Variants in LAMA5 observed in about 807,000 individuals in gnomAD.
The protein encoded by LAMA5 is laminin subunit alpha-5.
LAMA5 carries 260 observed loss-of-function variants against 433.4 expected under a neutral mutation model. The observed-to-expected ratio is 0.60, with a 90% CI of 0.54 to 0.66. LAMA5 has a LOEUF of 0.66. LAMA5 is among the 30% of genes least tolerant of loss of function. LAMA5 has a pLI of 0.00. For missense variants in LAMA5, 5,378 were observed against 5,258.5 expected (o/e 1.02, Z -0.70); for synonymous variants, 2,620 against 2,226.6 (o/e 1.18, Z -4.97).
At position 62,338,050 on chromosome 20, in the gene LAMA5, G is replaced by A. The variant is rs750176191; in HGVS notation, c.1857C>T (p.Cys619=). 2.1e-5 allele frequency: 34 copies of A among 1,603,670 alleles called. No individual in the cohort carries two copies. The highest frequency in any genetic ancestry group is 2.3e-5 in the Non-Finnish European group (27 of 1,174,294). Residue 619 remains cysteine (C), a synonymous_variant, in exon 14 of 80, where the codon TGC becomes TGT. Coordinates refer to ENST00000252999, the MANE Select transcript of LAMA5 (RefSeq NM_005560.6). ...TGGGGAAACCATGGTAGCCAGGGCG[G>A]CACCGGTCACAATGAGGTCCAGCAA... ...PEFAGPHCDR[C]RPGYHGFPNC...
chr20:62,313,501 G>C, intron 63 of LAMA5, 41 bp from the exon 64 acceptor site: 1 of 1,566,562 alleles, frequency 6.4e-7, no homozygotes. Flanking sequence ...GGCCTGAGGC[G>C]CCTCCCCTCC....
chr20:62,317,415 T>G lies in LAMA5; in HGVS notation c.7441A>C (p.Lys2481Gln), dbSNP rs766504913. The G allele has an allele frequency of 6.2e-7, 1 of 1,607,910 alleles. No homozygotes were observed. The highest frequency in any genetic ancestry group is 8.5e-7 in the Non-Finnish European group (1 of 1,177,578). ...RMQTFSPAGSKLRLVEAAEAH... is the reference protein window; with the variant it reads ...RMQTFSPAGSQLRLVEAAEAH... ...TCGGCGGCCTCCACTAGACGCAGCT[T>G]GCTGCCCGCCGGGGAGAAGGTCTGC... The change falls in exon 55 of 80, where the codon AAG becomes CAG. Residue 2481 changes from lysine (K) to glutamine (Q), a missense_variant. Coordinates refer to ENST00000252999, the MANE Select transcript of LAMA5 (RefSeq NM_005560.6).
chr20:62,345,474 A>G, intron 11 of LAMA5: 2 of 425,084 alleles, frequency 4.7e-6, no homozygotes, highest in Non-Finnish European at 8.9e-6. Context: ...TGGTGTGATC[A>G]TGGCTCACTG....
Position 62,309,188 on chromosome 20 carries a change from G to A in LAMA5, c.*148C>T, listed in dbSNP as rs528363275. The A allele has an allele frequency of 1.9e-5, 15 of 800,458 alleles. No homozygotes were observed. The highest frequency in any genetic ancestry group is 8.7e-5 in the East Asian group (3 of 34,602). The allele number at this position is 800,458 out of a possible 1,614,324, so 49.6% of individuals were successfully genotyped here. A position where few individuals can be genotyped will look rare whatever the true frequency, so the allele number is the denominator to read the frequency against. ...ACATTTTGCAGTATTTTATTCTTTC[G>A]TTTAAGAAGCTATAACTTAAACCAT... On this transcript the variant is annotated 3_prime_UTR_variant, in exon 80 of 80. Transcript: ENST00000252999.
Position 62,318,904 on chromosome 20 carries a change from C to A in LAMA5, c.6981G>T (p.Arg2327=), listed in dbSNP as rs1266185026. 1 of 1,605,508 alleles carries A rather than the reference C, an allele frequency of 6.2e-7. No homozygotes were observed. Among genetic ancestry groups the A allele is most frequent in the Admixed American group, 1.7e-5 (1 of 59,402 alleles). ...CCTGCGGGGCCCCCAGGTCCCGGGC[C>A]CGCATCTCCCAGAGCAGCCGCTCCA... ...AEVERLLWEM[R]ARDLGAPQAA... is the part of the protein sequence containing the mutation. Residue 2327 remains arginine (R), a synonymous_variant, in exon 52 of 80, where the codon CGG becomes CGT. Coordinates refer to ENST00000252999, the MANE Select transcript of LAMA5 (RefSeq NM_005560.6).
At chr20:62,365,766 C>A (rs1330930754) in intron 1 of LAMA5, among the ~76,000 whole-genome samples, 1 of 152,208 alleles carries the variant, frequency 6.6e-6, no homozygotes, top group Non-Finnish European at 1.5e-5. Flanking sequence ...CAGCAGCTTT[C>A]CAGGGCTCAG....
At position 62,311,043 on chromosome 20, in the gene LAMA5, G is replaced by C. The variant is rs1037981720; in HGVS notation, c.10140C>G (p.Leu3380=). Residue 3380 remains leucine, a synonymous_variant, in exon 74 of 80, where the codon CTC becomes CTG. Coordinates refer to ENST00000252999, the MANE Select transcript of LAMA5 (RefSeq NM_005560.6). Reference sequence around the variant, plus strand: ...TGCCGGGCCTCAGACGGGCAGTGAAGAGGAGGAGGCCTCGGGAGCTTCGCG... The same window carrying C: ...TGCCGGGCCTCAGACGGGCAGTGAACAGGAGGAGGCCTCGGGAGCTTCGCG... ...VLPRSSRGLL[L]FTARLRPGSP... is the part of the protein sequence containing the mutation. The C allele has an allele frequency of 6.2e-7, 1 of 1,606,988 alleles. No individual in the cohort carries two copies. Among genetic ancestry groups the C allele is most frequent in the Non-Finnish European group, 8.5e-7 (1 of 1,176,968 alleles).
intron 11 of LAMA5, among the ~76,000 whole-genome samples, chr20:62,340,305 G>GTTTTTTTTTTTTTTT (rs34415039): frequency 1.0e-5 from 1 of 99,464 alleles, no homozygotes; most frequent in Non-Finnish European, 1.8e-5. Context: ...AGCCTCCTTT[G>GTTTTTTTTTTTTTTT]TTTTTTTTTT....
chr20:62,353,261 G>T lies in LAMA5; in HGVS notation c.451-10C>A. ...AGGCCACGTGGAAGACCTGTGGGCC[G>T]AGAGGGCGTCAGGGGAGCCAGGGGC... On this transcript the variant is annotated splice_polypyrimidine_tract_variant and intron_variant, in intron 2 of 79. Coordinates refer to ENST00000252999, the MANE Select transcript of LAMA5 (RefSeq NM_005560.6). 6.3e-7 allele frequency: 1 copy of T among 1,579,508 alleles called. No individual in the cohort carries two copies. Among genetic ancestry groups the T allele is most frequent in the Non-Finnish European group, 8.6e-7 (1 of 1,159,352 alleles).
At chr20:62,339,231 CTTTTTTTTTT>C (rs151158845) in intron 11 of LAMA5, among the ~76,000 whole-genome samples, 2 of 55,990 alleles carry the variant, frequency 3.6e-5, no homozygotes, top group African/African-American at 6.0e-5. Flanking sequence ...ATTATAGTTT[CTTTTTTTTTT>C]TTTTTTTTTT....
chr20:62,316,807 C>T lies in LAMA5; in HGVS notation c.7654-34G>A, dbSNP rs567062304. ...GCCAGGGCAGACCGTGGCTCAGACA[C>T]GCAGGCCGGGGCTGCGGGAGGTGCA... On this transcript the variant is annotated intron_variant, in intron 56 of 79. Transcript: ENST00000252999. 33 of 1,573,450 alleles carry T rather than the reference C, an allele frequency of 2.1e-5. No homozygotes were observed. The Admixed American group carries it at 2.9e-4, about 14-fold the overall frequency.
chr20:62,321,773 A>AAGGGCCAGCAGATGGGGT (rs1215239212), intron 48 of LAMA5, among the ~76,000 whole-genome samples: 11 of 93,712 alleles, frequency 1.2e-4, no homozygotes, highest in Non-Finnish European at 1.8e-4. Flanking sequence ...GTGGGGGAGG[A>AAGGGCCAGCAGATGGGGT]AGGGCCAGCA....
In LAMA5 at chr20:62,322,777, A is replaced by T; in HGVS notation, c.6065-19T>A. ...TCGCACCCTGCAGAAGGGGTCCGTG[A>T]CTGCAGCCCTGGGCCCTCTCACCCC... On this transcript the variant is annotated intron_variant, in intron 45 of 79. Transcript: ENST00000252999. 2.1e-6 allele frequency: 3 copies of T among 1,425,414 alleles called. No homozygotes were observed. Among genetic ancestry groups the T allele is most frequent in the Non-Finnish European group, 2.8e-6 (3 of 1,079,002 alleles). 88.3% of individuals were successfully genotyped at this position (1,425,414 alleles called of 1,614,324 possible).
rs1373336423 is a variant in LAMA5 at position 62,314,592 on chromosome 20, G to A, written c.8330C>T (p.Thr2777Ile). ...QGPEPEPGQG[T>I]EDRFVMYMGS... ...CATGTACATCACAAAGCGATCCTCG[G>A]TACCCTGCCCAGGCTCAGGCTCTGG... Residue 2777 changes from threonine (T) to isoleucine (I), a missense_variant, in exon 61 of 80, where the codon ACC becomes ATC. Thr to Ile is a moderately conservative substitution (Grantham distance 89, BLOSUM62 -1). Coordinates refer to ENST00000252999, the MANE Select transcript of LAMA5 (RefSeq NM_005560.6). 3 of 1,611,904 alleles carry A rather than the reference G, an allele frequency of 1.9e-6. No individual in the cohort carries two copies. Among genetic ancestry groups the A allele is most frequent in the Non-Finnish European group, 2.5e-6 (3 of 1,179,748 alleles).
At chr20:62,316,193 G>A in intron 57 of LAMA5, 135 bp from the exon 58 acceptor site, 2 of 661,322 alleles carry the variant, frequency 3.0e-6, no homozygotes, top group Non-Finnish European at 5.4e-6. Flanking sequence ...CTCAGACATG[G>A]AGTCCCTTAG....
Position 62,338,304 on chromosome 20 carries a change from A to T in LAMA5, c.1684T>A (p.Cys562Ser). The T allele has an allele frequency of 6.2e-7, 1 of 1,605,246 alleles. No homozygotes were observed. Among genetic ancestry groups the T allele is most frequent in the Non-Finnish European group, 8.5e-7 (1 of 1,176,398 alleles). Reference sequence around the variant, plus strand: ...GTGGCCCCCTCGAAGCCCACTCGGCACCTGCACTGGCCTGTGTCAGGGTCA... The same window carrying T: ...GTGGCCCCCTCGAAGCCCACTCGGCTCCTGCACTGGCCTGTGTCAGGGTCA... ...RCDPDTGQCR[C>S]RVGFEGATCD... The change falls in exon 13 of 80, where the codon TGC becomes AGC. Residue 562 changes from cysteine to serine, a missense_variant. Cys to Ser is a moderately radical substitution (Grantham distance 112). Coordinates refer to ENST00000252999, the MANE Select transcript of LAMA5 (RefSeq NM_005560.6).
Position 62,316,061 on chromosome 20 carries a change from G to GC in LAMA5, c.7757-4dup. 2 of 1,601,080 alleles carry GC rather than the reference G, an allele frequency of 1.2e-6. No individual in the cohort carries two copies. ...GGCACCCTGGAGGGCAGCCCACACT[G>GC]CGGGGGAGGCAGCTTCAGCTCCCAG... On this transcript the variant is annotated splice_region_variant and splice_polypyrimidine_tract_variant and intron_variant, in intron 57 of 79. Transcript: ENST00000252999.
At position 62,327,346 on chromosome 20, in the gene LAMA5, G is replaced by A. The variant is rs13039398; in HGVS notation, c.4999C>T (p.Arg1667Trp). 45,859 of 1,600,946 alleles carry A rather than the reference G, an allele frequency of 0.029. 740 individuals are homozygous for A. The highest frequency in any genetic ancestry group is 0.033 in the Non-Finnish European group (38,949 of 1,173,670). ...STDRQVVPHE[R>W]QPGTEMLRAD... ...CGGAGCATCTCCGTCCCTGGCTGCC[G>A]CTCGTGGGGCACCACCTGCCGGTCA... is the stretch of plus-strand genomic sequence containing the variant. The change falls in exon 38 of 80, where the codon CGG becomes TGG. Residue 1667 changes from arginine to tryptophan, a missense_variant. By Grantham distance (101) the Arg-to-Trp change is moderately radical. Transcript: ENST00000252999.
rs146530378 is a variant in LAMA5 at position 62,336,416 on chromosome 20, G to A, written c.2247C>T (p.His749=). The change falls in exon 18 of 80, where the codon CAC becomes CAT. Residue 749 remains histidine (H), a synonymous_variant. Coordinates refer to ENST00000252999, the MANE Select transcript of LAMA5 (RefSeq NM_005560.6). ...AGCGGTCACAGCTCGGCCCCTCCAC[G>A]TGAGCCCGGCACATACAGGGAACCT... ...EAQVPCMCRA[H]VEGPSCDRCK... is the part of the protein sequence containing the mutation. 167 of 1,612,436 alleles carry A rather than the reference G, an allele frequency of 1.0e-4. No homozygotes were observed. Among genetic ancestry groups the A allele is most frequent in the Non-Finnish European group, 1.4e-4 (162 of 1,179,832 alleles).
Sources: allele counts gnomAD v4.1 joint callset (sites outside exome capture counted in the v4.1 genomes callset), GRCh38; gene constraint gnomAD v4.1.1; transcripts MANE v1.5; gene names NCBI Gene and HGNC (gene_info 2026-07-23, HGNC 2026-07-21).